The following UGT2B7 variants were observed in gnomAD, a reference collection of about 807,000 sequenced individuals.
The protein encoded by UGT2B7 is UDP-glucuronosyltransferase 2B7.
A neutral mutation model predicts 51.9 loss-of-function variants in UGT2B7; 51 were observed. The ratio of observed to expected loss-of-function variants is 0.98; its 90% confidence interval spans 0.78 to 1.24. The LOEUF (loss-of-function observed/expected upper bound fraction) is 1.24, where lower values mean the gene tolerates loss of function less well. UGT2B7 is among the 50% of genes most tolerant of loss of function. The pLI is 0.00. For synonymous variants in UGT2B7, 225 were observed against 211.6 expected (o/e 1.06, Z -0.55); for missense variants, 727 against 628.4 (o/e 1.16, Z -1.68).
At chr4:69,093,975 C>T (rs537650589), upstream of UGT2B7, among the ~76,000 whole-genome samples, 17 of 152,226 alleles carry the variant, frequency 1.1e-4, no homozygotes, top group African/African-American at 4.1e-4. Context: ...TCATCCTGGC[C>T]ACTCCTCCAG....
intron 1 of UGT2B7, among the ~76,000 whole-genome samples, chr4:69,069,328 T>TC: frequency 6.6e-6 from 1 of 150,514 alleles, no homozygotes; most frequent in East Asian, 1.9e-4. Context: ...GTCCATTAAA[T>TC]TTTTTTTTCC....
At chr4:69,070,842 A>G (rs1471016392) in intron 1 of UGT2B7, among the ~76,000 whole-genome samples, 5 of 152,112 alleles carry the variant, frequency 3.3e-5, no homozygotes, top group African/African-American at 9.7e-5. Context: ...AAACTTGGCC[A>G]ACTCTCTTAG....
chr4:69,085,933 G>A (rs1185402531), intron 1 of UGT2B7, among the ~76,000 whole-genome samples: 2 of 151,276 alleles, frequency 1.3e-5, no homozygotes, highest in Non-Finnish European at 3.0e-5. Context: ...CTTAGCTGAA[G>A]CTTTTTAAAT....
At chr4:69,069,569 A>G (rs1718556867) in intron 1 of UGT2B7, 1 of 152,088 alleles carries the variant, frequency 6.6e-6, no homozygotes, top group African/African-American at 2.4e-5. Context: ...TTTAACATCT[A>G]CACAAAAATT....
At position 69,076,165 on chromosome 4, in the gene UGT2B7, T is replaced by C. The variant is rs145287042; in HGVS notation, c.-158-13307T>C. 5.6e-3 allele frequency among the ~76,000 whole-genome samples: 847 copies of C among 152,300 alleles called. 1 individual carries two copies. The highest frequency in any genetic ancestry group is 9.8e-3 in the Non-Finnish European group (667 of 68,016). On this transcript the variant is annotated intron_variant, in intron 1 of 5. Transcript: ENST00000502942. ...TGATATATATGTGCCACATTTTCTTTATCCAATCTATCACTGATGGACATT... is the reference window on the plus strand; with the variant it reads ...TGATATATATGTGCCACATTTTCTTCATCCAATCTATCACTGATGGACATT...
intron 1 of UGT2B7, among the ~76,000 whole-genome samples, chr4:69,051,875 T>C (rs1297115682): frequency 6.6e-6 from 1 of 152,198 alleles, no homozygotes; most frequent in Non-Finnish European, 1.5e-5. Flanking sequence ...AATTTCTGGG[T>C]ATGCTGATTT....
At chr4:69,066,751 AT>A (rs1232251095) in intron 1 of UGT2B7, among the ~76,000 whole-genome samples, 2 of 151,862 alleles carry the variant, frequency 1.3e-5, no homozygotes, top group Admixed American at 1.3e-4. Context: ...CTTTCACAAA[AT>A]TTTTTTTCAA....
chr4:69,082,771 TTGA>T (rs1430192454), intron 1 of UGT2B7, among the ~76,000 whole-genome samples: 1 of 152,162 alleles, frequency 6.6e-6, no homozygotes, highest in Non-Finnish European at 1.5e-5. Flanking sequence ...GCTAAGATCA[TTGA>T]TGATGGTGAT....
intron 1 of UGT2B7, among the ~76,000 whole-genome samples, chr4:69,097,551 TA>T (rs1719284044): frequency 6.6e-6 from 1 of 152,106 alleles, no homozygotes; most frequent in Non-Finnish European, 1.5e-5. Flanking sequence ...TTAAAAACAG[TA>T]AAATCCATCA....
chr4:69,108,369 C>A (rs774841677), intron 5 of UGT2B7, 47 bp downstream of exon 5: 3 of 1,597,594 alleles, frequency 1.9e-6, no homozygotes, highest in Non-Finnish European at 2.6e-6. Flanking sequence ...CAGATAGCTT[C>A]TCTTGTCAAT....
upstream of UGT2B7, among the ~76,000 whole-genome samples, chr4:69,094,130 T>TAAGGCATATAAAAAGTTATGTTTACACAA (rs1577919650): frequency 4.9e-5 from 3 of 60,824 alleles, no homozygotes; most frequent in Admixed American, 3.2e-4. Flanking sequence ...TTTTGGTTTC[T>TAAGGCATATAAAAAGTTATGTTTACACAA]TTTTTTTTTT....
chr4:69,089,010 T>C (rs879341338), intron 1 of UGT2B7, among the ~76,000 whole-genome samples: 2 of 152,182 alleles, frequency 1.3e-5, no homozygotes, highest in Non-Finnish European at 2.9e-5. Context: ...CCCATGTCTA[T>C]GAGTCTTGGG....
intron 1 of UGT2B7, among the ~76,000 whole-genome samples, chr4:69,055,873 A>G (rs1718179844): frequency 6.6e-6 from 1 of 152,246 alleles, no homozygotes; most frequent in African/African-American, 2.4e-5. Context: ...TGTCTTAGAC[A>G]AAAGCTCTAT....
intron 3 of UGT2B7, among the ~76,000 whole-genome samples, chr4:69,104,872 CTT>C: frequency 6.6e-6 from 1 of 152,322 alleles, no homozygotes; most frequent in East Asian, 1.9e-4. Context: ...GCAATTTAGT[CTT>C]GGCATGTAAT....
chr4:69,066,715 A>G (rs138358887), intron 1 of UGT2B7, among the ~76,000 whole-genome samples: 7 of 152,238 alleles, frequency 4.6e-5, no homozygotes, highest in Non-Finnish European at 8.8e-5. Context: ...CCAGAAACAA[A>G]CTATCTTTAT....
intron 3 of UGT2B7, among the ~76,000 whole-genome samples, chr4:69,103,245 T>C (rs1560510803): frequency 6.6e-6 from 1 of 152,136 alleles, no homozygotes; most frequent in Non-Finnish European, 1.5e-5. Context: ...GTGTATGTGA[T>C]CTACATAGAA....
chr4:69,072,861 C>A (rs2109869280), intron 1 of UGT2B7, among the ~76,000 whole-genome samples: 1 of 152,188 alleles, frequency 6.6e-6, no homozygotes, highest in Non-Finnish European at 1.5e-5. Flanking sequence ...CATAAAATTT[C>A]AATTTTTTCA....
At chr4:69,084,525 G>A (rs768687202) in intron 1 of UGT2B7, among the ~76,000 whole-genome samples, 38 of 152,054 alleles carry the variant, frequency 2.5e-4, no homozygotes, top group Non-Finnish European at 5.3e-4. Flanking sequence ...AGGTATACAT[G>A]TTCCATGGTG....
chr4:69,099,873 A>G (rs1359734383), intron 2 of UGT2B7, among the ~76,000 whole-genome samples: 1 of 152,064 alleles, frequency 6.6e-6, no homozygotes, highest in Non-Finnish European at 1.5e-5. Context: ...TAGTTGACAG[A>G]TACCCTGTGG....
Sources: allele counts gnomAD v4.1 joint callset (sites outside exome capture counted in the v4.1 genomes callset), GRCh38; gene constraint gnomAD v4.1.1; transcripts MANE v1.5; gene names NCBI Gene and HGNC (gene_info 2026-07-23, HGNC 2026-07-21).